ERGIC1: variants seen among roughly 807,000 people sequenced by gnomAD.
ERGIC1 encodes the protein endoplasmic reticulum-golgi intermediate compartment 1.
Under a neutral mutation model 38.3 loss-of-function variants are expected in ERGIC1, and 19 were observed. That is an observed-to-expected ratio of 0.50 (90% CI 0.35 to 0.73). The LOEUF is 0.73. ERGIC1 is among the 30% of genes least tolerant of loss of function. The pLI is 0.01. For missense variants in ERGIC1, 294 were observed against 389.2 expected (o/e 0.76, Z 2.06); for synonymous variants, 124 against 157.6 (o/e 0.79, Z 1.60).
chr5:172,938,414 T>C (rs1302970045), intron 9 of ERGIC1, among the ~76,000 whole-genome samples: 1 of 152,236 alleles, frequency 6.6e-6, no homozygotes, highest in Non-Finnish European at 1.5e-5. Flanking sequence ...TCCCCGTTTC[T>C]GTTTGCTCCT....
Position 172,926,797 on chromosome 5 carries a change from C to T in ERGIC1, c.541+228C>T, listed in dbSNP as rs968278632. ...AAGGCTTGTCCCGGGGCACAGCAGA[C>T]GCACGCACGCAGTGGATACCAGCTA... is the stretch of plus-strand genomic sequence containing the variant. On this transcript the variant is annotated intron_variant, in intron 7 of 9. Coordinates refer to ENST00000393784, the MANE Select transcript of ERGIC1 (RefSeq NM_001031711.3). This position sits in a 1 kb window ranked among gnomAD's most constrained non-coding sequence, Gnocchi z 5.2. The T allele has an allele frequency of 1.6e-5, 9 of 571,662 alleles. No homozygotes were observed. The highest frequency in any genetic ancestry group is 4.2e-5 in the South Asian group (2 of 47,708). The allele number at this position is 571,662 out of a possible 1,614,324, so 35.4% of individuals were successfully genotyped here.
chr5:172,852,131 T>C lies in ERGIC1; in HGVS notation c.20+17698T>C, dbSNP rs201054801. On this transcript the variant is annotated intron_variant, in intron 1 of 9. Transcript: ENST00000393784. ...TGCCAGGGGCATTGCCATGATTTGA[T>C]TGGGAGGGAGTGTCAGTGTTGCATT... 2.0e-5 allele frequency among the ~76,000 whole-genome samples: 3 copies of C among 152,022 alleles called. No homozygotes were observed. In the East Asian group the frequency reaches 5.8e-4, roughly 29 times the overall value.
chr5:172,932,089 C>T (rs1763788115), intron 7 of ERGIC1, among the ~76,000 whole-genome samples: 1 of 151,990 alleles, frequency 6.6e-6, no homozygotes, highest in South Asian at 2.1e-4. Flanking sequence ...GAACTCCTGA[C>T]TGCAGATGAT....
chr5:172,847,788 C>T (rs1761314707), intron 1 of ERGIC1, among the ~76,000 whole-genome samples: 1 of 152,230 alleles, frequency 6.6e-6, no homozygotes, highest in Non-Finnish European at 1.5e-5. Context: ...GCTGGGATTA[C>T]AGGCATGTGC....
At chr5:172,853,272 A>T (rs1035795295) in intron 1 of ERGIC1, among the ~76,000 whole-genome samples, 3 of 152,182 alleles carry the variant, frequency 2.0e-5, no homozygotes, top group Non-Finnish European at 4.4e-5. Context: ...AAGCAGCCAC[A>T]GGAGTCCTGG....
chr5:172,896,703 C>T (rs2113309057), intron 2 of ERGIC1, among the ~76,000 whole-genome samples: 1 of 152,382 alleles, frequency 6.6e-6, no homozygotes, highest in East Asian at 1.9e-4. Flanking sequence ...CACCGGTTTG[C>T]AGCCTCTACT....
At chr5:172,857,950 C>G (rs1761596314) in intron 1 of ERGIC1, among the ~76,000 whole-genome samples, 1 of 152,162 alleles carries the variant, frequency 6.6e-6, no homozygotes, top group Non-Finnish European at 1.5e-5. Flanking sequence ...CACTGCGAGA[C>G]TCGGTGGTGA....
At chr5:172,906,541 C>G (rs1420707514) in intron 3 of ERGIC1, among the ~76,000 whole-genome samples, 1 of 152,082 alleles carries the variant, frequency 6.6e-6, no homozygotes. Flanking sequence ...CTTTTCAGAG[C>G]CCACCGTTCC....
At chr5:172,856,971 A>C (rs1190742600) in intron 1 of ERGIC1, among the ~76,000 whole-genome samples, 3 of 152,230 alleles carry the variant, frequency 2.0e-5, no homozygotes, top group East Asian at 3.8e-4. Flanking sequence ...GCACTGGGGT[A>C]GCCAAGGGTT....
At chr5:172,844,610 C>T (rs1328390008) in intron 1 of ERGIC1, among the ~76,000 whole-genome samples, 1 of 152,150 alleles carries the variant, frequency 6.6e-6, no homozygotes, top group Non-Finnish European at 1.5e-5. Context: ...GTGAGGGACC[C>T]ACAAGTCAAT....
At position 172,914,788 on chromosome 5, in the gene ERGIC1, C is replaced by T; in HGVS notation, c.325C>T (p.Leu109=). 6.2e-7 allele frequency: 1 copy of T among 1,614,210 alleles called. No homozygotes were observed. Among genetic ancestry groups the T allele is most frequent in the Non-Finnish European group, 8.5e-7 (1 of 1,180,046 alleles). ...GHIDNSMKIP[L]NNGAGCRFEG... ...CATCGACAACTCCATGAAGATCCCGCTGAACAATGGGGCAGGCTGCCGCTT... is the reference window on the plus strand; with the variant it reads ...CATCGACAACTCCATGAAGATCCCGTTGAACAATGGGGCAGGCTGCCGCTT... Residue 109 remains leucine, a synonymous_variant, in exon 5 of 10, where the codon CTG becomes TTG. Coordinates refer to ENST00000393784, the MANE Select transcript of ERGIC1 (RefSeq NM_001031711.3).
intron 1 of ERGIC1, among the ~76,000 whole-genome samples, chr5:172,839,731 G>T (rs1761115138): frequency 6.6e-6 from 1 of 152,204 alleles, no homozygotes; most frequent in African/African-American, 2.4e-5. Flanking sequence ...AGGCACTGTT[G>T]TAAGGATCTT....
chr5:172,869,745 G>A (rs1434018433), intron 1 of ERGIC1, among the ~76,000 whole-genome samples: 2 of 152,174 alleles, frequency 1.3e-5, no homozygotes, highest in African/African-American at 4.8e-5. Context: ...GGGCATCTGG[G>A]GGTGTCATGA....
At chr5:172,939,759 G>C (rs142303739) in intron 9 of ERGIC1, among the ~76,000 whole-genome samples, 1 of 152,372 alleles carries the variant, frequency 6.6e-6, no homozygotes, top group Non-Finnish European at 1.5e-5. Context: ...GGTCAGCTCT[G>C]AAGGAGCCAG....
In ERGIC1 at chr5:172,914,767, G is replaced by A. The variant is rs766575211; in HGVS notation, c.304G>A (p.Asp102Asn). Residue 102 changes from aspartate (D) to asparagine (N), a missense_variant, in exon 5 of 10, where the codon GAC becomes AAC. Physicochemically the swap from Asp to Asn is conservative, Grantham distance 23 (BLOSUM62 1). Coordinates refer to ENST00000393784, the MANE Select transcript of ERGIC1 (RefSeq NM_001031711.3). ...GGGCAGGCACGAAGTGGGCCACATC[G>A]ACAACTCCATGAAGATCCCGCTGAA... ...EMGRHEVGHIDNSMKIPLNNG... is the reference protein window; with the variant it reads ...EMGRHEVGHINNSMKIPLNNG... The A allele has an allele frequency of 2.1e-5, 34 of 1,614,044 alleles. No homozygotes were observed. Among genetic ancestry groups the A allele is most frequent in the Admixed American group, 6.7e-5 (4 of 59,994 alleles).
chr5:172,943,470 T>C (rs978577837), intron 9 of ERGIC1, among the ~76,000 whole-genome samples: 3 of 152,006 alleles, frequency 2.0e-5, no homozygotes, highest in African/African-American at 7.2e-5. Flanking sequence ...TGCTGGAGCC[T>C]GATGAGACTC....
At chr5:172,932,572 CG>C (rs1309126816) in intron 8 of ERGIC1, 36 bp downstream of exon 8, 1 of 1,598,694 alleles carries the variant, frequency 6.3e-7, no homozygotes, top group African/African-American at 1.3e-5. Context: ...CTGTGTGCGG[CG>C]GCGCCCTCTG....
chr5:172,912,365 C>T (rs1346507735), intron 4 of ERGIC1, among the ~76,000 whole-genome samples: 5 of 152,272 alleles, frequency 3.3e-5, no homozygotes, highest in African/African-American at 1.2e-4. Context: ...ATAATATTAT[C>T]TTCCCCACAG....
At chr5:172,927,291 A>T (rs1763675797) in intron 7 of ERGIC1, among the ~76,000 whole-genome samples, 1 of 151,926 alleles carries the variant, frequency 6.6e-6, no homozygotes, top group African/African-American at 2.4e-5. Context: ...TCACCTTTTA[A>T]CCCACATCTT....
Sources: allele counts gnomAD v4.1 joint callset (sites outside exome capture counted in the v4.1 genomes callset), GRCh38; gene constraint gnomAD v4.1.1; non-coding constraint Gnocchi (gnomAD v3.1); transcripts MANE v1.5; gene names NCBI Gene and HGNC (gene_info 2026-07-23, HGNC 2026-07-21).